The following PCDH15 variants were observed in gnomAD, a reference collection of about 807,000 sequenced individuals.
PCDH15 encodes the protein protocadherin-15.
PCDH15 carries 129 observed loss-of-function variants against 178.5 expected under a neutral mutation model. That is an observed-to-expected ratio of 0.72 (90% confidence interval 0.63 to 0.84). PCDH15 has a LOEUF of 0.84. Ranked by LOEUF, PCDH15 falls within the 40% of genes least tolerant of loss-of-function variation. The pLI, the probability that PCDH15 is intolerant of heterozygous loss-of-function variation, is 0.00. For missense variants in PCDH15, 2,230 were observed against 2,099.9 expected, an observed-to-expected ratio of 1.06 and a Z score of -1.21; for synonymous variants, 800 against 732.0, an observed-to-expected ratio of 1.09 and a Z score of -1.50.
intron 1 of PCDH15, among the ~76,000 whole-genome samples, chr10:55,252,654 CA>C (rs1841869238): frequency 6.6e-6 from 1 of 151,502 alleles, no homozygotes; most frequent in Non-Finnish European, 1.5e-5. Context: ...ATTAGTGAAC[CA>C]AAAATAAATC....
intron 6 of PCDH15, among the ~76,000 whole-genome samples, chr10:54,342,632 C>T (rs536734278): frequency 2.6e-5 from 4 of 152,264 alleles, no homozygotes; most frequent in African/African-American, 9.6e-5. Flanking sequence ...CTGTCTCCTC[C>T]AGATCCTAGA....
intron 8 of PCDH15, among the ~76,000 whole-genome samples, chr10:54,278,243 AAAG>A (rs1339966453): frequency 4.6e-5 from 7 of 151,532 alleles, no homozygotes; most frequent in Admixed American, 4.6e-4. Context: ...ATTTTAGTAA[AAAG>A]AAGGACTCAA....
chr10:54,317,837 T>C lies in PCDH15; in HGVS notation c.706-396A>G, dbSNP rs149991441. On this transcript the variant is annotated intron_variant, in intron 7 of 37. Transcript: ENST00000644397. Reference sequence around the variant, plus strand: ...TTAGTTTTCATTGAAAAAAAAAAGATTGGTAAATTAACTTGCTTAAACCAA... The same window carrying C: ...TTAGTTTTCATTGAAAAAAAAAAGACTGGTAAATTAACTTGCTTAAACCAA... 3.2e-3 allele frequency among the ~76,000 whole-genome samples: 482 copies of C among 151,846 alleles called. 1 individual carries two copies. Among genetic ancestry groups the C allele is most frequent in the Non-Finnish European group, 4.2e-3 (286 of 67,910 alleles).
rs1158146181 is a variant in PCDH15 at position 53,803,993 on chromosome 10, T to G, written c.*2586A>C. On this transcript the variant is annotated 3_prime_UTR_variant, in exon 38 of 38. Transcript: ENST00000644397. ...ATTAAACATACCTGGGTATTTCCTCTGGGTTCCACAGTTTTAATCCTGAGT... is the reference window on the plus strand; with the variant it reads ...ATTAAACATACCTGGGTATTTCCTCGGGGTTCCACAGTTTTAATCCTGAGT... 1 of 152,012 alleles carries G rather than the reference T, an allele frequency of 6.6e-6. No homozygotes were observed. The highest frequency in any genetic ancestry group is 1.5e-5 in the Non-Finnish European group (1 of 67,902). 9.4% of individuals were successfully genotyped at this position (152,012 alleles called of 1,614,324 possible). A position where few individuals can be genotyped will look rare whatever the true frequency, so the allele number is the denominator to read the frequency against.
intron 15 of PCDH15, among the ~76,000 whole-genome samples, chr10:54,105,542 C>G (rs972938734): frequency 1.1e-4 from 17 of 151,936 alleles, no homozygotes; most frequent in Admixed American, 8.5e-4. Flanking sequence ...AAGATGTAGG[C>G]TGTAAGGCTA....
At chr10:54,887,928 T>A (rs553289654) in intron 3 of PCDH15, among the ~76,000 whole-genome samples, 3 of 152,294 alleles carry the variant, frequency 2.0e-5, no homozygotes, top group South Asian at 4.1e-4. Flanking sequence ...TATTCTGCTC[T>A]CCCACAATCA....
chr10:55,035,870 A>G (rs866449490), intron 2 of PCDH15, among the ~76,000 whole-genome samples: 1 of 152,144 alleles, frequency 6.6e-6, no homozygotes, highest in Admixed American at 6.6e-5. Context: ...AATTTTTTTT[A>G]TAATACTTTG....
At chr10:54,114,448 C>A (rs1030883423) in intron 15 of PCDH15, among the ~76,000 whole-genome samples, 5 of 152,102 alleles carry the variant, frequency 3.3e-5, no homozygotes, top group African/African-American at 1.2e-4. Context: ...AAATCAGATC[C>A]ACATGATAGT....
chr10:54,099,513 A>AAAAAAAATATATAT (rs1347306483), intron 15 of PCDH15, among the ~76,000 whole-genome samples: 20 of 117,882 alleles, frequency 1.7e-4, no homozygotes, highest in African/African-American at 4.2e-4. Context: ...AAAAAAAAAA[A>AAAAAAAATATATAT]ATATATATAT....
chr10:54,186,772 C>A (rs530382469), intron 11 of PCDH15, among the ~76,000 whole-genome samples: 16 of 151,988 alleles, frequency 1.1e-4, no homozygotes, highest in Non-Finnish European at 2.1e-4. Flanking sequence ...GTGTCATGAA[C>A]CCAATTACTC....
chr10:55,133,371 A>G (rs932340583), intron 2 of PCDH15, among the ~76,000 whole-genome samples: 1 of 151,784 alleles, frequency 6.6e-6, no homozygotes, highest in Non-Finnish European at 1.5e-5. Flanking sequence ...AAGACACCAT[A>G]CTCTAAACGT....
At chr10:54,606,636 G>A (rs572185798) in intron 2 of PCDH15, 5 of 152,082 alleles carry the variant, frequency 3.3e-5, no homozygotes, top group Non-Finnish European at 5.9e-5. Flanking sequence ...ATGCCAGTTC[G>A]GATGCAGGCT....
intron 9 of PCDH15, among the ~76,000 whole-genome samples, chr10:54,222,433 T>C (rs1390570146): frequency 6.6e-6 from 1 of 152,252 alleles, no homozygotes; most frequent in Non-Finnish European, 1.5e-5. Flanking sequence ...AATTGTGTAG[T>C]ATAAAGATTT....
At chr10:54,625,939 AATAAC>A (rs2093534229) in intron 2 of PCDH15, among the ~76,000 whole-genome samples, 1 of 152,144 alleles carries the variant, frequency 6.6e-6, no homozygotes, top group South Asian at 2.1e-4. Flanking sequence ...TGATATGAAC[AATAAC>A]ATCCAGGCTG....
At chr10:55,580,360 ATT>A (rs71017103) in intron 2 of PCDH15, among the ~76,000 whole-genome samples, 71 of 131,588 alleles carry the variant, frequency 5.4e-4, no homozygotes, top group East Asian at 4.3e-3. Flanking sequence ...TTATTTTTTT[ATT>A]TTTTTTTTTT....
chr10:53,957,344 C>T lies in PCDH15; in HGVS notation c.3122+2388G>A, dbSNP rs112920823. 5.5e-3 allele frequency among the ~76,000 whole-genome samples: 833 copies of T among 152,108 alleles called. 7 individuals carry two copies. Among genetic ancestry groups the T allele is most frequent in the African/African-American group, 0.019 (776 of 41,500 alleles). On this transcript the variant is annotated intron_variant, in intron 23 of 37. Transcript: ENST00000644397. The stretch of plus-strand genomic sequence containing the variant: ...GTGAGAAACAAAGTGAGTTTATATC[C>T]GTCCTGTTCTTGAGAACTCCAAAAT...
At chr10:54,514,540 A>G (rs1433554764) in intron 3 of PCDH15, among the ~76,000 whole-genome samples, 1 of 152,008 alleles carries the variant, frequency 6.6e-6, no homozygotes, top group African/African-American at 2.4e-5. Context: ...GCACACAGTT[A>G]GTTTTTTTAA....
chr10:54,561,396 C>A (rs1259784428), intron 2 of PCDH15, among the ~76,000 whole-genome samples: 1 of 152,126 alleles, frequency 6.6e-6, no homozygotes, highest in Non-Finnish European at 1.5e-5. Flanking sequence ...TAATATCTAT[C>A]AATAAAACTA....
At chr10:55,462,608 T>A (rs1485022228) in intron 2 of PCDH15, among the ~76,000 whole-genome samples, 1 of 152,132 alleles carries the variant, frequency 6.6e-6, no homozygotes, top group African/African-American at 2.4e-5. Context: ...CACTGAAAAT[T>A]AAACTGTTCG....
Sources: allele counts gnomAD v4.1 joint callset (sites outside exome capture counted in the v4.1 genomes callset), GRCh38; gene constraint gnomAD v4.1.1; transcripts MANE v1.5; gene names NCBI Gene and HGNC (gene_info 2026-07-23, HGNC 2026-07-21).